ZSCAN10: variants seen among roughly 807,000 people sequenced by gnomAD.
The protein encoded by ZSCAN10 is zinc finger and SCAN domain containing 10.
Under a neutral mutation model 63.7 loss-of-function variants are expected in ZSCAN10, and 52 were observed. The observed-to-expected ratio is 0.82, with a 90% CI of 0.65 to 1.03. ZSCAN10 has a LOEUF of 1.03. Ranked by LOEUF, ZSCAN10 falls within the 50% of genes least tolerant of loss-of-function variation. The probability of loss-of-function intolerance (pLI) is 0.00; values close to 1 mark genes in which losing one functional copy is unlikely to be tolerated. For synonymous variants in ZSCAN10, 544 were observed against 479.6 expected (o/e 1.13, Z -1.76); for missense variants, 1,223 against 1,103.8 (o/e 1.11, Z -1.53).
In ZSCAN10 at chr16:3,089,972, G is replaced by A. The variant is rs1007377500; in HGVS notation, c.1462C>T (p.Arg488Cys). Residue 488 changes from arginine (R) to cysteine (C), a missense_variant, in exon 6 of 6, where the codon CGC becomes TGC. Arg to Cys is a radical substitution (Grantham distance 180). Coordinates refer to ENST00000576985, the MANE Select transcript of ZSCAN10 (RefSeq NM_032805.3). ...CSHCGQSFQR[R>C]SSLKRHLRIH... ...CGCAGGTGGCGCTTGAGGCTGGAGC[G>A]GCGCTGGAAGCTCTGGCCGCAGTGG... 1.3e-6 allele frequency: 2 copies of A among 1,545,648 alleles called. No homozygotes were observed. Among genetic ancestry groups the A allele is most frequent in the Non-Finnish European group, 1.7e-6 (2 of 1,148,386 alleles).
chr16:3,089,579 G>T lies in ZSCAN10; in HGVS notation c.1855C>A (p.Gln619Lys). 6.3e-7 allele frequency: 1 copy of T among 1,587,522 alleles called. No homozygotes were observed. Among genetic ancestry groups the T allele is most frequent in the Non-Finnish European group, 8.6e-7 (1 of 1,167,844 alleles). Residue 619 changes from glutamine (Q) to lysine (K), a missense_variant, in exon 6 of 6, where the codon CAG (glutamine) becomes AAG (lysine). Transcript: ENST00000576985. ...TQCGKSFGQT[Q>K]DLARHQRSHT... ...CTGCGCTGGTGGCGGGCCAGATCCT[G>T]GGTCTGGCCGAAACTCTTCCCGCAC...
In ZSCAN10 at chr16:3,089,912, C is replaced by T. The variant is rs1000792880; in HGVS notation, c.1522G>A (p.Glu508Lys). The change falls in exon 6 of 6, where the codon GAA (glutamate) becomes AAA (lysine). Residue 508 changes from glutamate to lysine, a missense_variant. By Grantham distance (56) the Glu-to-Lys change is moderately conservative. Transcript: ENST00000576985. ...HARDKDRRSS[E>K]GSGSRRRDSD... ...TCCCGGCGGCGGCTGCCGGAGCCTT[C>T]GGAGGACCGGCGGTCCTTGTCCCTG... The T allele has an allele frequency of 2.0e-5, 31 of 1,535,900 alleles. No homozygotes were observed. The highest frequency in any genetic ancestry group is 3.7e-4 in the Middle Eastern group (2 of 5,450).
rs138182461 is a variant in ZSCAN10 at position 3,091,833 on chromosome 16, C to A, written c.665-5G>T. 5.1e-6 allele frequency: 8 copies of A among 1,572,824 alleles called. No individual in the cohort carries two copies. In the East Asian group the frequency reaches 1.2e-4, roughly 23 times the overall value. ...ATGGTGAGGGGCCCTGGGGACCTGACGGCATTGGGGAAGAGGGGAGGAAGT... is the reference window on the plus strand; with the variant it reads ...ATGGTGAGGGGCCCTGGGGACCTGAAGGCATTGGGGAAGAGGGGAGGAAGT... On this transcript the variant is annotated splice_region_variant and splice_polypyrimidine_tract_variant and intron_variant, in intron 3 of 5. Coordinates refer to ENST00000576985, the MANE Select transcript of ZSCAN10 (RefSeq NM_032805.3).
At chr16:3,095,227 A>C (rs1290916327) in intron 1 of ZSCAN10, among the ~76,000 whole-genome samples, 1 of 151,894 alleles carries the variant, frequency 6.6e-6, no homozygotes, top group Non-Finnish European at 1.5e-5. Flanking sequence ...AAAAAAATTA[A>C]AAATGTAGGG....
In ZSCAN10 at chr16:3,090,317, C is replaced by A; in HGVS notation, c.1117G>T (p.Gly373Trp). 1.2e-6 allele frequency: 2 copies of A among 1,609,442 alleles called. No individual in the cohort carries two copies. The highest frequency in any genetic ancestry group is 1.7e-6 in the Non-Finnish European group (2 of 1,178,444). The part of the protein sequence containing the change: ...KAHQLRSHPA[G>W]RSFLCLCCGK... ...CAGCAAAGGCACAGGAAGGAGCGCC[C>A]AGCCGGGTGCGAGCGCAGCTGGTGC... Residue 373 changes from glycine (G) to tryptophan (W), a missense_variant, in exon 6 of 6, where the codon GGG becomes TGG. Physicochemically the swap from Gly to Trp is radical, Grantham distance 184. Coordinates refer to ENST00000576985, the MANE Select transcript of ZSCAN10 (RefSeq NM_032805.3).
chr16:3,089,485 G>A lies in ZSCAN10; in HGVS notation c.1949C>T (p.Ala650Val), dbSNP rs748853111. 4 of 1,602,048 alleles carry A rather than the reference G, an allele frequency of 2.5e-6. No homozygotes were observed. Among genetic ancestry groups the A allele is most frequent in the Non-Finnish European group, 2.6e-6 (3 of 1,176,312 alleles). ...GEGFSQSAHL[A>V]RHQRIHTGEK... ...CCCTGTGTGGATGCGCTGGTGGCGC[G>A]CCAGGTGGGCGCTCTGGCTGAAGCC... Residue 650 changes from alanine (A) to valine (V), a missense_variant, in exon 6 of 6, where the codon GCG (alanine) becomes GTG (valine). By Grantham distance (64) the Ala-to-Val change is moderately conservative (BLOSUM62 0). Transcript: ENST00000576985.
In ZSCAN10 at chr16:3,089,609, T is replaced by G. The variant is rs1042654484; in HGVS notation, c.1825A>C (p.Thr609Pro). The change falls in exon 6 of 6, where the codon ACC becomes CCC. Residue 609 changes from threonine to proline, a missense_variant. By Grantham distance (38) the Thr-to-Pro change is conservative. Transcript: ENST00000576985. ...THGGPRPHHC[T>P]QCGKSFGQTQ... ...TGGCCGAAACTCTTCCCGCACTGGG[T>G]GCAGTGGTGGGGCCGAGGGCCACCG... 6 of 1,585,846 alleles carry G rather than the reference T, an allele frequency of 3.8e-6. No homozygotes were observed. The Admixed American group carries it at 5.3e-5, about 14-fold the overall frequency.
In ZSCAN10 at chr16:3,092,812, C is replaced by T. The variant is rs1367730540; in HGVS notation, c.126G>A (p.Val42=). The T allele has an allele frequency of 1.3e-6, 2 of 1,533,538 alleles. No individual in the cohort carries two copies. The highest frequency in any genetic ancestry group is 2.4e-5 in the East Asian group (1 of 41,552). The allele number at this position is 1,533,538 out of a possible 1,614,324, so 95.0% of individuals were successfully genotyped here. A position where few individuals can be genotyped will look rare whatever the true frequency, so the allele number is the denominator to read the frequency against. Residue 42 remains valine, a synonymous_variant, in exon 2 of 6, where the codon GTG becomes GTA. Coordinates refer to ENST00000576985, the MANE Select transcript of ZSCAN10 (RefSeq NM_032805.3). ...GGAAGCATCTGAACAGCTGGTGAGC[C>T]ACCTCGGGCCTCAGCCTGGACTCTG... is the stretch of plus-strand genomic sequence containing the variant. ...RRPESRLRPE[V]AHQLFRCFQY...
chr16:3,096,790 G>T (rs146853718), intron 1 of ZSCAN10, among the ~76,000 whole-genome samples: 1 of 152,064 alleles, frequency 6.6e-6, no homozygotes, highest in South Asian at 2.1e-4. Context: ...TTAGCCGGAC[G>T]TGATGGCATG....
At chr16:3,097,756 T>G (rs1173117103) in intron 1 of ZSCAN10, among the ~76,000 whole-genome samples, 1 of 152,170 alleles carries the variant, frequency 6.6e-6, no homozygotes, top group Non-Finnish European at 1.5e-5. Context: ...TGAGTGTTCA[T>G]CCAGCACTTG....
At position 3,089,029 on chromosome 16, in the gene ZSCAN10, C is replaced by G. The variant is rs1256074950; in HGVS notation, c.*62G>C. 1 of 1,422,738 alleles carries G rather than the reference C, an allele frequency of 7.0e-7. No individual in the cohort carries two copies. Among genetic ancestry groups the G allele is most frequent in the Non-Finnish European group, 9.1e-7 (1 of 1,098,004 alleles). 88.1% of individuals were successfully genotyped at this position (1,422,738 alleles called of 1,614,324 possible). A position where few individuals can be genotyped will look rare whatever the true frequency, so the allele number is the denominator to read the frequency against. On this transcript the variant is annotated 3_prime_UTR_variant, in exon 6 of 6. Transcript: ENST00000576985. ...TGGTGGGAAGGGACATTCCTGCAGG[C>G]CTCCGCTGTGGAGGACCCCGGGTAG...
intron 3 of ZSCAN10, 66 bp from the exon 4 acceptor site, chr16:3,091,894 C>T (rs1479801715): frequency 6.3e-7 from 1 of 1,593,070 alleles, no homozygotes; most frequent in African/African-American, 1.4e-5. Flanking sequence ...CATATGGCTG[C>T]AAGGACACAC....
chr16:3,092,118 G>T lies in ZSCAN10; in HGVS notation c.595C>A (p.Leu199Ile). The change falls in exon 3 of 6, where the codon CTT becomes ATT. Residue 199 changes from leucine to isoleucine, a missense_variant. By Grantham distance (5) the Leu-to-Ile change is conservative. Transcript: ENST00000576985. The part of the protein sequence containing the change: ...AQPAEPGQWR[L>I]PPSSKQPLSP... The stretch of plus-strand genomic sequence containing the variant: ...AGCGGCTGCTTTGAACTTGGGGGAA[G>T]CCTCCACTGTCCCGGCTCAGCAGGC... 6.2e-7 allele frequency: 1 copy of T among 1,609,876 alleles called. No homozygotes were observed.
rs548200494 is a variant in ZSCAN10 at position 3,092,183 on chromosome 16, G to A, written c.530C>T (p.Pro177Leu). 3.0e-5 allele frequency: 49 copies of A among 1,612,890 alleles called. No individual in the cohort carries two copies. The South Asian group carries it at 4.6e-4, about 15-fold the overall frequency. The change falls in exon 3 of 6, where the codon CCA becomes CTA. Residue 177 changes from proline to leucine, a missense_variant. Coordinates refer to ENST00000576985, the MANE Select transcript of ZSCAN10 (RefSeq NM_032805.3). ...LPAEEPSVLG[P>L]SDEPPRPQPR... is the part of the protein sequence containing the mutation. ...CTGGGGTCGGGGAGGCTCATCCGATGGGCCCAGCACTGAAGGCTCTTCCGC... is the reference window on the plus strand; with the variant it reads ...CTGGGGTCGGGGAGGCTCATCCGATAGGCCCAGCACTGAAGGCTCTTCCGC...
intron 2 of ZSCAN10, 58 bp downstream of exon 2, chr16:3,092,470 AGAGATTCCTCACTG>A (rs1350429161): frequency 4.8e-6 from 7 of 1,453,872 alleles, no homozygotes; most frequent in Non-Finnish European, 4.5e-6. Flanking sequence ...TGAAGTTTCC[AGAGATTCCTCACTG>A]GGGGGATCAA....
chr16:3,091,374 T>C (rs1312095007), intron 5 of ZSCAN10, among the ~76,000 whole-genome samples, 166 bp downstream of exon 5: 4 of 152,174 alleles, frequency 2.6e-5, no homozygotes, highest in African/African-American at 9.7e-5. Context: ...CCGGTCACGG[T>C]GGCTCATGCC....
Position 3,090,153 on chromosome 16 carries a change from G to A in ZSCAN10, c.1281C>T (p.Ser427=). 1 of 1,602,050 alleles carries A rather than the reference G, an allele frequency of 6.2e-7. No homozygotes were observed. Among genetic ancestry groups the A allele is most frequent in the South Asian group, 1.1e-5 (1 of 90,554 alleles). ...CTGCGCACAGGAAGGCGGGTTCGGA[G>A]GAGTGGGTCAGCAGGTGCTTGCTCA... ...SHLSKHLLTH[S]SEPAFLCAEC... is the part of the protein sequence containing the mutation. Residue 427 remains serine (S), a synonymous_variant, in exon 6 of 6, where the codon TCC becomes TCT. Coordinates refer to ENST00000576985, the MANE Select transcript of ZSCAN10 (RefSeq NM_032805.3).
Position 3,092,134 on chromosome 16 carries a change from C to T in ZSCAN10, c.579G>A (p.Glu193=), listed in dbSNP as rs1202514983. 3.1e-6 allele frequency: 5 copies of T among 1,613,036 alleles called. No homozygotes were observed. The highest frequency in any genetic ancestry group is 4.2e-6 in the Non-Finnish European group (5 of 1,179,560). Residue 193 remains glutamate, a synonymous_variant, in exon 3 of 6, where the codon GAG becomes GAA. Transcript: ENST00000576985. ...RPQPRAAQPA[E]PGQWRLPPSS... ...TTGGGGGAAGCCTCCACTGTCCCGGCTCAGCAGGCTGGGCAGCCCTTGGCT... is the reference window on the plus strand; with the variant it reads ...TTGGGGGAAGCCTCCACTGTCCCGGTTCAGCAGGCTGGGCAGCCCTTGGCT...
chr16:3,088,961 G>A lies in ZSCAN10; in HGVS notation c.*130C>T. On this transcript the variant is annotated 3_prime_UTR_variant, in exon 6 of 6. Transcript: ENST00000576985. ...AGGCCAGAAAGCAATGCCTCGGCCA[G>A]GGAAGGACAGCTGTGAAAGTGGAAG... 1 of 1,370,878 alleles carries A rather than the reference G, an allele frequency of 7.3e-7. No homozygotes were observed. Among genetic ancestry groups the A allele is most frequent in the Non-Finnish European group, 9.4e-7 (1 of 1,068,416 alleles). The allele number at this position is 1,370,878 out of a possible 1,614,324, so 84.9% of individuals were successfully genotyped here.
Sources: gnomAD v4.1 joint callset for allele counts (sites outside exome capture counted in the v4.1 genomes callset) on GRCh38, gnomAD v4.1.1 for gene constraint, MANE v1.5 for transcripts, NCBI Gene and HGNC (gene_info 2026-07-23, HGNC 2026-07-21) for gene names.